Variants in PKNOX2 observed in about 807,000 individuals in gnomAD.
PKNOX2 encodes the protein homeobox protein PKNOX2.
A neutral mutation model predicts 53.1 loss-of-function variants in PKNOX2; 14 were observed. That is an observed-to-expected ratio of 0.26 (90% CI 0.17 to 0.41). PKNOX2 has a LOEUF of 0.41. PKNOX2 is among the 10% of genes least tolerant of loss of function. The pLI, the probability that PKNOX2 is intolerant of heterozygous loss-of-function variation, is 1.00. For missense variants in PKNOX2, 496 were observed against 602.8 expected, an observed-to-expected ratio of 0.82 and a Z score of 1.85; for synonymous variants, 257 against 242.8, an observed-to-expected ratio of 1.06 and a Z score of -0.54.
At chr11:125,178,614 GAAAGAAAGAAA>G (rs1955892838) in intron 1 of PKNOX2, among the ~76,000 whole-genome samples, 4 of 60,826 alleles carry the variant, frequency 6.6e-5, no homozygotes, top group South Asian at 6.5e-4. Context: ...AGGAAGGAAA[GAAAGAAAGAAA>G]GAAAGAAAGA....
At position 125,379,186 on chromosome 11, in the gene PKNOX2, G is replaced by A. The variant is rs190570698; in HGVS notation, c.228-6365G>A. 8.2e-3 allele frequency among the ~76,000 whole-genome samples: 1,233 copies of A among 151,284 alleles called. 15 individuals carry two copies. Among genetic ancestry groups the A allele is most frequent in the African/African-American group, 0.029 (1,178 of 41,184 alleles). ...AGCAATTCTCCTGCCTCAGCCTCCC[G>A]AGTAGCTGGGATTAAAGGCACGTGC... is the stretch of plus-strand genomic sequence containing the variant. On this transcript the variant is annotated intron_variant, in intron 5 of 12. Coordinates refer to ENST00000298282, the MANE Select transcript of PKNOX2 (RefSeq NM_001382323.2).
chr11:125,281,498 C>T (rs1413627986), intron 2 of PKNOX2, among the ~76,000 whole-genome samples: 5 of 152,164 alleles, frequency 3.3e-5, no homozygotes, highest in Admixed American at 1.3e-4. Context: ...GCCACTTACC[C>T]GTTGATTGCC....
At chr11:125,385,805 A>T in intron 6 of PKNOX2, 83 bp downstream of exon 6, 1 of 1,489,958 alleles carries the variant, frequency 6.7e-7, no homozygotes, top group South Asian at 1.3e-5. Flanking sequence ...TGATCCTTTC[A>T]TTAATTTACC....
chr11:125,225,570 C>A (rs1941613266), intron 1 of PKNOX2, among the ~76,000 whole-genome samples: 1 of 152,222 alleles, frequency 6.6e-6, no homozygotes, highest in Admixed American at 6.5e-5. Context: ...CCCCCACCCA[C>A]TGCCTCTGGG....
At chr11:125,178,590 G>A (rs1161634824) in intron 1 of PKNOX2, among the ~76,000 whole-genome samples, 4 of 40,786 alleles carry the variant, frequency 9.8e-5, no homozygotes, top group Non-Finnish European at 9.2e-5. Context: ...AGGAAGGAAG[G>A]AAGGAAGGAA....
At chr11:125,292,768 C>T (rs1301562259) in intron 2 of PKNOX2, among the ~76,000 whole-genome samples, 1 of 152,220 alleles carries the variant, frequency 6.6e-6, no homozygotes, top group East Asian at 1.9e-4. Flanking sequence ...AGGTTTCCCT[C>T]AGACCGTGTC....
chr11:125,358,703 T>C (rs1951754999), intron 4 of PKNOX2, among the ~76,000 whole-genome samples: 1 of 152,252 alleles, frequency 6.6e-6, no homozygotes, highest in Admixed American at 6.5e-5. Context: ...ATGCCGGCCC[T>C]TCCTCTCCCT....
At chr11:125,417,673 A>T (rs1376965631) in intron 10 of PKNOX2, among the ~76,000 whole-genome samples, 4 of 151,998 alleles carry the variant, frequency 2.6e-5, no homozygotes, top group Non-Finnish European at 5.9e-5. Flanking sequence ...TCCCATGCAA[A>T]GTCTGGGTAA....
At chr11:125,311,575 A>AC (rs1270843392) in intron 2 of PKNOX2, among the ~76,000 whole-genome samples, 6 of 152,162 alleles carry the variant, frequency 3.9e-5, no homozygotes, top group African/African-American at 1.4e-4. Flanking sequence ...GTGACATTTT[A>AC]AGCAGTTGTG....
intron 7 of PKNOX2, among the ~76,000 whole-genome samples, chr11:125,403,533 T>A (rs536214866): frequency 6.6e-6 from 1 of 152,322 alleles, no homozygotes; most frequent in South Asian, 2.1e-4. Flanking sequence ...AAGGTACACA[T>A]GATTTTCTCC....
chr11:125,247,413 T>C (rs1943644769), intron 2 of PKNOX2, among the ~76,000 whole-genome samples: 1 of 152,074 alleles, frequency 6.6e-6, no homozygotes, highest in South Asian at 2.1e-4. Flanking sequence ...CTACCAGAGG[T>C]GCCTAGCTCT....
intron 1 of PKNOX2, among the ~76,000 whole-genome samples, chr11:125,231,154 T>C (rs7124580): frequency 0.28 from 42,914 of 152,114 alleles, 7,163 homozygotes; most frequent in East Asian, 0.5. Flanking sequence ...AGGGCATGAA[T>C]CCATGTCTGG....
chr11:125,411,990 C>T, intron 10 of PKNOX2, 125 bp downstream of exon 10: 3 of 1,458,748 alleles, frequency 2.1e-6, no homozygotes, highest in Non-Finnish European at 2.8e-6. Flanking sequence ...GGGGAGAGCT[C>T]TCTGATAGGA....
intron 1 of PKNOX2, among the ~76,000 whole-genome samples, chr11:125,167,349 G>T (rs1404355292): frequency 1.3e-5 from 2 of 152,264 alleles, no homozygotes; most frequent in East Asian, 1.9e-4. Context: ...CACGACCCAC[G>T]AGTGGCCTCG....
intron 2 of PKNOX2, among the ~76,000 whole-genome samples, chr11:125,313,211 T>C (rs548766432): frequency 2.0e-5 from 3 of 152,284 alleles, no homozygotes; most frequent in Non-Finnish European, 2.9e-5. Context: ...ATGTCTGCAA[T>C]GGCAGTGCCC....
intron 1 of PKNOX2, among the ~76,000 whole-genome samples, chr11:125,227,579 T>C (rs1941813892): frequency 6.6e-6 from 1 of 152,236 alleles, no homozygotes; most frequent in South Asian, 2.1e-4. Context: ...GGCTGAATCA[T>C]ATTCCATTGG....
chr11:125,411,787 G>C lies in PKNOX2; in HGVS notation c.858G>C (p.Lys286Asn). 6.2e-7 allele frequency: 1 copy of C among 1,614,188 alleles called. No individual in the cohort carries two copies. Residue 286 changes from lysine (K) to asparagine (N), a missense_variant, in exon 10 of 13, where the codon AAG becomes AAC. Physicochemically the swap from Lys to Asn is moderately conservative, Grantham distance 94. This residue lies in a region of PKNOX2 where 141 missense variants were observed against 143.9 expected (regional missense o/e 0.98). Transcript: ENST00000298282. Reference sequence around the variant, plus strand: ...CCTCCCTCCTGGACAATGAGGATAAGAAGTCCAAGAACAAACGAGGAGTCT... The same window carrying C: ...CCTCCCTCCTGGACAATGAGGATAACAAGTCCAAGAACAAACGAGGAGTCT... ...DLTSLLDNED[K>N]KSKNKRGVLP...
intron 1 of PKNOX2, among the ~76,000 whole-genome samples, chr11:125,223,716 CAAAA>C (rs113101573): frequency 6.7e-6 from 1 of 149,878 alleles, no homozygotes; most frequent in Non-Finnish European, 1.5e-5. Flanking sequence ...GATTAAAAAA[CAAAA>C]AAAAACAACT....
At position 125,397,866 on chromosome 11, in the gene PKNOX2, C is replaced by G. The variant is rs1050288744; in HGVS notation, c.400-8C>G. ...ACACCTGGGCTCACCTCTCCTCCCT[C>G]TCCACAGATGGTGAAGGCAATCCAG... On this transcript the variant is annotated splice_region_variant and splice_polypyrimidine_tract_variant and intron_variant, in intron 6 of 12. Coordinates refer to ENST00000298282, the MANE Select transcript of PKNOX2 (RefSeq NM_001382323.2). 2 of 1,604,438 alleles carry G rather than the reference C, an allele frequency of 1.2e-6. No homozygotes were observed. The highest frequency in any genetic ancestry group is 2.7e-5 in the African/African-American group (2 of 74,886).
Sources: allele counts gnomAD v4.1 joint callset (sites outside exome capture counted in the v4.1 genomes callset), GRCh38; gene constraint gnomAD v4.1.1; regional missense constraint gnomAD v4.1.1; transcripts MANE v1.5; gene names NCBI Gene and HGNC (gene_info 2026-07-23, HGNC 2026-07-21).